Variants in BRAF observed in about 807,000 individuals in gnomAD.
BRAF encodes the protein serine/threonine-protein kinase B-raf.
In BRAF, 16 loss-of-function variants were observed where a neutral mutation model predicts 104.6. The observed-to-expected ratio is 0.15, with a 90% CI of 0.10 to 0.23. The LOEUF is 0.23. Ranked by LOEUF, BRAF falls within the 10% of genes least tolerant of loss-of-function variation. BRAF has a pLI of 1.00. For missense variants in BRAF, 541 were observed against 937.3 expected, an observed-to-expected ratio of 0.58 and a Z score of 5.52; for synonymous variants, 310 against 341.6, an observed-to-expected ratio of 0.91 and a Z score of 1.02.
intron 3 of BRAF, among the ~76,000 whole-genome samples, chr7:140,817,813 G>T (rs1805032932): frequency 6.6e-6 from 1 of 152,104 alleles, no homozygotes; most frequent in Non-Finnish European, 1.5e-5. Flanking sequence ...AGCACTGTTT[G>T]TCATAACAAA....
intron 1 of BRAF, among the ~76,000 whole-genome samples, chr7:140,923,378 T>C (rs1231827602): frequency 2.0e-5 from 3 of 152,102 alleles, no homozygotes; most frequent in Non-Finnish European, 4.4e-5. Context: ...TTATTTTCTG[T>C]AATAAAATAC....
At chr7:140,865,156 C>T (rs769858658) in intron 1 of BRAF, among the ~76,000 whole-genome samples, 3 of 151,852 alleles carry the variant, frequency 2.0e-5, no homozygotes, top group Admixed American at 1.3e-4. Context: ...GTTGGTTCAC[C>T]GCAGACTCCG....
At chr7:140,782,204 G>C (rs1334756606) in intron 11 of BRAF, among the ~76,000 whole-genome samples, 1 of 152,024 alleles carries the variant, frequency 6.6e-6, no homozygotes, top group East Asian at 1.9e-4. Context: ...AGGATGGTTA[G>C]GATGGAAACA....
intron 1 of BRAF, among the ~76,000 whole-genome samples, chr7:140,879,769 C>T (rs1312947462): frequency 2.0e-5 from 3 of 150,010 alleles, no homozygotes; most frequent in Non-Finnish European, 3.0e-5. Flanking sequence ...CTTGCTCTGT[C>T]GCCCAGGGTG....
chr7:140,740,472 A>G (rs765290087), intron 17 of BRAF: 1 of 152,338 alleles, frequency 6.6e-6, no homozygotes, highest in Non-Finnish European at 1.5e-5. Flanking sequence ...GAGAAGGGGA[A>G]GCCATTAGGA....
chr7:140,906,248 C>T (rs1816318519), intron 1 of BRAF, among the ~76,000 whole-genome samples: 1 of 149,148 alleles, frequency 6.7e-6, no homozygotes, highest in African/African-American at 2.5e-5. Context: ...GTTGCCCAGG[C>T]TGGTGTGCAG....
intron 3 of BRAF, among the ~76,000 whole-genome samples, chr7:140,819,216 T>G (rs928333530): frequency 1.3e-5 from 2 of 152,210 alleles, no homozygotes; most frequent in African/African-American, 4.8e-5. Context: ...CATGTAAAAC[T>G]ATCTATATAA....
intron 12 of BRAF, 140 bp downstream of exon 11, chr7:140,781,436 T>C: frequency 1.2e-6 from 1 of 860,132 alleles, no homozygotes; most frequent in East Asian, 2.5e-5. Context: ...TAGAAACTTT[T>C]GGAGGAGTCC....
chr7:140,745,290 TATACAAGGAG>T (rs1452043275), intron 17 of BRAF, among the ~76,000 whole-genome samples: 1 of 152,110 alleles, frequency 6.6e-6, no homozygotes, highest in East Asian at 1.9e-4. Context: ...ACTTAAAAAA[TATACAAGGAG>T]ATACATAGTT....
downstream of BRAF, among the ~76,000 whole-genome samples, chr7:140,715,095 C>G (rs890537980): frequency 6.6e-6 from 1 of 152,150 alleles, no homozygotes; most frequent in African/African-American, 2.4e-5. Flanking sequence ...TTGAATGCAG[C>G]GAGCAGCCTC....
At chr7:140,914,555 T>C (rs1223865907) in intron 1 of BRAF, among the ~76,000 whole-genome samples, 1 of 152,170 alleles carries the variant, frequency 6.6e-6, no homozygotes. Context: ...AAGTATATAT[T>C]AATGTGTGTA....
At chr7:140,753,613 G>T (rs1289020575) in intron 15 of BRAF, 1 of 423,498 alleles carries the variant, frequency 2.4e-6, no homozygotes, top group Non-Finnish European at 4.4e-6. Flanking sequence ...TTTGGGGCTT[G>T]AAATGTGTTA....
chr7:140,774,710 G>T (rs543582573), intron 14 of BRAF, among the ~76,000 whole-genome samples: 1 of 152,122 alleles, frequency 6.6e-6, no homozygotes, highest in Non-Finnish European at 1.5e-5. Flanking sequence ...AGAGACGAGG[G>T]TCTCCCTATG....
chr7:140,924,744 C>G lies in BRAF; in HGVS notation c.-41G>C. The stretch of plus-strand genomic sequence containing the variant: ...CGGGGCCCGAGCGGCCGCTGTCGGG[C>G]GGGGAGGGGGAAGGGAGGCGGAGAG... On this transcript the variant is annotated 5_prime_UTR_variant, in exon 1 of 20. Coordinates refer to ENST00000644969, the MANE Select transcript of BRAF (RefSeq NM_001374258.1). This position sits in a 1 kb window ranked among gnomAD's most constrained non-coding sequence, Gnocchi z 4.2. 1.4e-6 allele frequency: 1 copy of G among 718,524 alleles called. No individual in the cohort carries two copies. Among genetic ancestry groups the G allele is most frequent in the Non-Finnish European group, 2.3e-6 (1 of 432,394 alleles). 44.5% of individuals were successfully genotyped at this position (718,524 alleles called of 1,614,324 possible).
chr7:140,781,744 C>T (rs372466374), intron 11 of BRAF, 51 bp from the exon 11 acceptor site: 10 of 1,442,306 alleles, frequency 6.9e-6, no homozygotes, highest in South Asian at 1.1e-5. Flanking sequence ...AAAAAGAAAA[C>T]CTTATGTTTC....
At chr7:140,828,827 C>T (rs1806370572) in intron 3 of BRAF, among the ~76,000 whole-genome samples, 1 of 152,158 alleles carries the variant, frequency 6.6e-6, no homozygotes, top group South Asian at 2.1e-4. Context: ...TATCAAAGTG[C>T]TTTCCAATAA....
Position 140,872,216 on chromosome 7 carries a change from A to AAAATAAATAAATAAATAAAT in BRAF, c.139-22024_139-22005dup, listed in dbSNP as rs143275817. 1.7e-3 allele frequency among the ~76,000 whole-genome samples: 226 copies of AAAATAAATAAATAAATAAAT among 130,222 alleles called. 3 individuals carry two copies. The highest frequency in any genetic ancestry group is 6.1e-3 in the African/African-American group (213 of 35,108). 85.4% of individuals were successfully genotyped at this position (130,222 alleles called of 152,430 possible). On this transcript the variant is annotated intron_variant, in intron 1 of 19. Transcript: ENST00000644969. ...GGCAACAAGAGTGAAACTCCATCTC[A>AAAATAAATAAATAAATAAAT]AAATAAATAAATAAATAAATAAATA...
At chr7:140,715,681 G>C (rs867345206), downstream of BRAF, among the ~76,000 whole-genome samples, 1 of 152,168 alleles carries the variant, frequency 6.6e-6, no homozygotes, top group African/African-American at 2.4e-5. Flanking sequence ...CAAAGGAATG[G>C]ACCTCCACCC....
At chr7:140,919,854 TTTG>T (rs1428978430) in intron 1 of BRAF, among the ~76,000 whole-genome samples, 1 of 151,762 alleles carries the variant, frequency 6.6e-6, no homozygotes, top group African/African-American at 2.4e-5. Flanking sequence ...TGTTTGTTTG[TTTG>T]TTTTGAGGCA....
Sources: gnomAD v4.1 joint callset for allele counts (sites outside exome capture counted in the v4.1 genomes callset) on GRCh38, gnomAD v4.1.1 for gene constraint, Gnocchi (gnomAD v3.1) non-coding constraint, MANE v1.5 for transcripts, NCBI Gene and HGNC (gene_info 2026-07-23, HGNC 2026-07-21) for gene names.